PDZD2: variants seen among roughly 807,000 people sequenced by gnomAD.
PDZD2 encodes the protein PDZ domain containing 2.
In PDZD2, 90 loss-of-function variants were observed where a neutral mutation model predicts 220.7. The ratio of observed to expected loss-of-function variants is 0.41; its 90% CI spans 0.34 to 0.49. The LOEUF (loss-of-function observed/expected upper bound fraction) is 0.49, where lower values mean the gene tolerates loss of function less well. Among genes scored for constraint, PDZD2 ranks in the 20% least tolerant of loss-of-function variants. The probability of loss-of-function intolerance (pLI) is 0.28; values close to 1 mark genes in which losing one functional copy is unlikely to be tolerated. For missense variants in PDZD2, 3,174 were observed against 3,608.5 expected, an observed-to-expected ratio of 0.88 and a Z score of 3.08; for synonymous variants, 1,375 against 1,450.5, an observed-to-expected ratio of 0.95 and a Z score of 1.18.
At position 32,068,156 on chromosome 5, in the gene PDZD2, C is replaced by A. The variant is rs539673572; in HGVS notation, c.2452-1413C>A. ...ACTTTTTCTGCCAAAAAAAAAAATG[C>A]GTAATCTGAATCTAAGCATGAGGAA... On this transcript the variant is annotated intron_variant, in intron 14 of 24. Coordinates refer to ENST00000438447, the MANE Select transcript of PDZD2 (RefSeq NM_178140.4). Among the ~76,000 whole-genome samples, 14 of 151,710 alleles carry A rather than the reference C, an allele frequency of 9.2e-5. No homozygotes were observed. In the East Asian group the frequency reaches 2.5e-3, roughly 27 times the overall value.
chr5:31,729,051 T>C (rs944481077), intron 1 of PDZD2, among the ~76,000 whole-genome samples: 13 of 150,826 alleles, frequency 8.6e-5, no homozygotes, highest in African/African-American at 2.0e-4. Flanking sequence ...TATTAGTATA[T>C]GTATTAATCA....
At chr5:31,854,898 C>G (rs1263326935) in intron 2 of PDZD2, 2 of 860,516 alleles carry the variant, frequency 2.3e-6, no homozygotes, top group Non-Finnish European at 2.8e-6. Flanking sequence ...CCTCCTCCAC[C>G]GCGGCGCGGA....
At chr5:31,965,390 GC>G (rs997482839) in intron 2 of PDZD2, among the ~76,000 whole-genome samples, 59 of 152,274 alleles carry the variant, frequency 3.9e-4, no homozygotes, top group African/African-American at 1.1e-3. Flanking sequence ...TCTCACCCTA[GC>G]CTTTTAATAT....
chr5:31,903,923 G>A (rs1047611677), intron 2 of PDZD2, among the ~76,000 whole-genome samples: 2 of 151,718 alleles, frequency 1.3e-5, no homozygotes, highest in Non-Finnish European at 2.9e-5. Flanking sequence ...GGGGTTTCAC[G>A]GTGTTGGTCA....
At chr5:32,024,394 T>A (rs1754452401) in intron 6 of PDZD2, among the ~76,000 whole-genome samples, 1 of 152,074 alleles carries the variant, frequency 6.6e-6, no homozygotes, top group South Asian at 2.1e-4. Flanking sequence ...CATGTTCCAA[T>A]TAACGGGGCC....
At chr5:31,998,544 G>C (rs1489778182) in intron 4 of PDZD2, among the ~76,000 whole-genome samples, 1 of 152,202 alleles carries the variant, frequency 6.6e-6, no homozygotes, top group Non-Finnish European at 1.5e-5. Context: ...AGAGCCTAGA[G>C]ACTGGAGACA....
At chr5:32,038,811 A>G (rs929401959) in intron 7 of PDZD2, among the ~76,000 whole-genome samples, 20 of 152,258 alleles carry the variant, frequency 1.3e-4, no homozygotes, top group Admixed American at 4.6e-4. Flanking sequence ...CTCCTGAGTT[A>G]CCTTGTGACT....
At chr5:31,667,855 C>T (rs868091041) in intron 1 of PDZD2, among the ~76,000 whole-genome samples, 4 of 77,982 alleles carry the variant, frequency 5.1e-5, no homozygotes, top group African/African-American at 1.1e-4. Flanking sequence ...TTTTTTTTTC[C>T]TTTTTTTTTT....
intron 6 of PDZD2, among the ~76,000 whole-genome samples, chr5:32,022,187 T>TG (rs1244776413): frequency 5.5e-5 from 8 of 144,536 alleles, no homozygotes; most frequent in South Asian, 4.3e-4. Flanking sequence ...GTTTTTTTGT[T>TG]TTTTTGTTTT....
chr5:31,970,696 G>A (rs556303299), intron 2 of PDZD2, among the ~76,000 whole-genome samples: 1 of 152,086 alleles, frequency 6.6e-6, no homozygotes, highest in East Asian at 1.9e-4. Context: ...CAATATTCAG[G>A]AACACATGGG....
intron 2 of PDZD2, among the ~76,000 whole-genome samples, chr5:31,880,735 A>G (rs919487746): frequency 3.3e-5 from 5 of 150,246 alleles, no homozygotes; most frequent in African/African-American, 4.9e-5. Flanking sequence ...AGTCGGGTAA[A>G]CATGAGCTCT....
chr5:31,988,112 C>T (rs547193406), intron 3 of PDZD2, among the ~76,000 whole-genome samples: 1 of 152,276 alleles, frequency 6.6e-6, no homozygotes, highest in East Asian at 1.9e-4. Flanking sequence ...CCAGAGGGAC[C>T]TTTCTAAACA....
chr5:31,884,400 A>G (rs1740234464), intron 2 of PDZD2, among the ~76,000 whole-genome samples: 1 of 152,132 alleles, frequency 6.6e-6, no homozygotes, highest in Non-Finnish European at 1.5e-5. Flanking sequence ...ATTGGACTGA[A>G]TCTGTGGTTT....
intron 2 of PDZD2, among the ~76,000 whole-genome samples, chr5:31,910,741 G>A (rs1014503473): frequency 3.3e-5 from 5 of 151,416 alleles, no homozygotes; most frequent in African/African-American, 1.2e-4. Flanking sequence ...TGTTGGCCAG[G>A]CTGGTCTCGA....
chr5:32,057,603 T>G, intron 10 of PDZD2, 52 bp from the exon 11 acceptor site: 1 of 1,064,340 alleles, frequency 9.4e-7, no homozygotes, highest in Non-Finnish European at 1.4e-6. Flanking sequence ...AGCAGTTAAA[T>G]TCCAGGAAAT....
intron 2 of PDZD2, among the ~76,000 whole-genome samples, chr5:31,930,095 G>C (rs4597984): frequency 0.93 from 141,512 of 152,004 alleles, 65,907 homozygotes; most frequent in Middle Eastern, 0.96. Flanking sequence ...GAGGCCTCCC[G>C]AGAAGCCAGG....
At chr5:32,052,169 G>A (rs537611202) in intron 8 of PDZD2, among the ~76,000 whole-genome samples, 12 of 152,242 alleles carry the variant, frequency 7.9e-5, no homozygotes, top group East Asian at 7.7e-4. Context: ...TTTTTGAGAC[G>A]GAGTCTCACT....
At chr5:31,700,552 G>A (rs1372965612) in intron 1 of PDZD2, among the ~76,000 whole-genome samples, 2 of 152,162 alleles carry the variant, frequency 1.3e-5, no homozygotes, top group Non-Finnish European at 2.9e-5. Context: ...CAGGGTTGCC[G>A]CATTCCCTGC....
intron 1 of PDZD2, among the ~76,000 whole-genome samples, chr5:31,705,691 G>A (rs767271221): frequency 2.0e-4 from 30 of 152,164 alleles, no homozygotes; most frequent in Non-Finnish European, 4.3e-4. Flanking sequence ...AAATATTTTA[G>A]AAATGGAAGA....
Sources: gnomAD v4.1 joint callset for allele counts (sites outside exome capture counted in the v4.1 genomes callset) on GRCh38, gnomAD v4.1.1 for gene constraint, MANE v1.5 for transcripts, NCBI Gene and HGNC (gene_info 2026-07-23, HGNC 2026-07-21) for gene names.